The following SORBS2 variants were observed in gnomAD, a reference collection of about 807,000 sequenced individuals.
The protein encoded by SORBS2 is sorbin and SH3 domain-containing protein 2.
SORBS2 carries 46 observed loss-of-function variants against 97.7 expected under a neutral mutation model. The observed-to-expected ratio is 0.47, with a 90% CI of 0.37 to 0.60. The LOEUF (loss-of-function observed/expected upper bound fraction) is 0.60, where lower values mean the gene tolerates loss of function less well. Among genes scored for constraint, SORBS2 ranks in the 20% least tolerant of loss-of-function variants. SORBS2 has a pLI of 0.00. For synonymous variants in SORBS2, 476 were observed against 473.4 expected, an observed-to-expected ratio of 1.01 and a Z score of -0.07; for missense variants, 1,316 against 1,282.3, an observed-to-expected ratio of 1.03 and a Z score of -0.40.
At chr4:185,744,107 C>G (rs2098745593) in intron 2 of SORBS2, among the ~76,000 whole-genome samples, 1 of 145,140 alleles carries the variant, frequency 6.9e-6, no homozygotes, top group African/African-American at 2.6e-5. Context: ...TTCTCTTCTC[C>G]CCCTCCTCCT....
intron 2 of SORBS2, among the ~76,000 whole-genome samples, chr4:185,742,730 A>G (rs2098735132): frequency 6.6e-6 from 1 of 152,226 alleles, no homozygotes; most frequent in South Asian, 2.1e-4. Flanking sequence ...TGCTATAGTG[A>G]AAAGGAGAGA....
chr4:185,881,027 G>C (rs1023775985), intron 1 of SORBS2, among the ~76,000 whole-genome samples: 29 of 152,126 alleles, frequency 1.9e-4, no homozygotes, highest in African/African-American at 7.0e-4. Flanking sequence ...TACAGGAAGG[G>C]AAAGGAAGAA....
At chr4:185,631,969 T>C (rs2096916117) in intron 4 of SORBS2, among the ~76,000 whole-genome samples, 1 of 152,236 alleles carries the variant, frequency 6.6e-6, no homozygotes, top group Admixed American at 6.5e-5. Flanking sequence ...AGCTTAAAAA[T>C]GTCAGCCAGA....
At chr4:185,707,055 A>C (rs2098354124) in intron 2 of SORBS2, among the ~76,000 whole-genome samples, 1 of 152,166 alleles carries the variant, frequency 6.6e-6, no homozygotes, top group African/African-American at 2.4e-5. Context: ...CTTAAAAAGT[A>C]TTTTCTATGT....
At chr4:185,660,429 T>G (rs2097498173), upstream of SORBS2, among the ~76,000 whole-genome samples, 1 of 152,208 alleles carries the variant, frequency 6.6e-6, no homozygotes, top group Non-Finnish European at 1.5e-5. Flanking sequence ...AGGGCAAAAT[T>G]TCGGCATAAA....
At chr4:185,678,854 TA>T in intron 2 of SORBS2, 32 bp from the exon 6 acceptor site, 1 of 1,332,318 alleles carries the variant, frequency 7.5e-7, no homozygotes, top group Non-Finnish European at 1.0e-6. Flanking sequence ...AAATTAAGAC[TA>T]AGGTGAAATA....
intron 2 of SORBS2, among the ~76,000 whole-genome samples, chr4:185,698,491 T>G (rs943088629): frequency 1.6e-4 from 20 of 125,602 alleles, no homozygotes; most frequent in African/African-American, 4.5e-4. Context: ...AGACTCCATC[T>G]CAAAAAAATG....
chr4:185,792,199 G>C (rs1482765130), intron 1 of SORBS2, among the ~76,000 whole-genome samples: 3 of 152,146 alleles, frequency 2.0e-5, no homozygotes, highest in African/African-American at 7.2e-5. Flanking sequence ...ACGTTAAGTA[G>C]ATTTAGAAAA....
chr4:185,876,529 C>T (rs1052109510), intron 1 of SORBS2, among the ~76,000 whole-genome samples: 3 of 152,268 alleles, frequency 2.0e-5, no homozygotes, highest in Non-Finnish European at 2.9e-5. Flanking sequence ...CTGAATAAGT[C>T]CCTGGTGCAC....
At chr4:185,699,827 G>T (rs2098233834) in intron 2 of SORBS2, among the ~76,000 whole-genome samples, 1 of 152,112 alleles carries the variant, frequency 6.6e-6, no homozygotes, top group Non-Finnish European at 1.5e-5. Context: ...GTATTATTCA[G>T]AAATGTATTA....
chr4:185,672,766 G>T (rs796739473), intron 4 of SORBS2, among the ~76,000 whole-genome samples: 2 of 152,222 alleles, frequency 1.3e-5, no homozygotes, highest in African/African-American at 4.8e-5. Context: ...CTAATTCCTG[G>T]GAGCCTAATT....
At chr4:185,925,565 G>A (rs892947549) in intron 1 of SORBS2, among the ~76,000 whole-genome samples, 2 of 152,080 alleles carry the variant, frequency 1.3e-5, no homozygotes, top group Admixed American at 6.5e-5. Flanking sequence ...TATGAGACGC[G>A]TATATTTGTT....
At chr4:185,816,143 T>C (rs2099193157) in intron 1 of SORBS2, among the ~76,000 whole-genome samples, 1 of 152,246 alleles carries the variant, frequency 6.6e-6, no homozygotes, top group Non-Finnish European at 1.5e-5. Flanking sequence ...ACTGCTTCCC[T>C]GTATTCTGAT....
chr4:185,649,654 G>A, exon 3 of SORBS2: 1 of 1,374,052 alleles, frequency 7.3e-7, no homozygotes, highest in Non-Finnish European at 9.5e-7. Context: ...GGGTTGTACA[G>A]ACCTATCATG....
intron 8 of SORBS2, 148 bp from the exon 21 acceptor site, chr4:185,618,779 C>T (rs1561445179): frequency 8.8e-6 from 4 of 452,874 alleles, no homozygotes; most frequent in Non-Finnish European, 1.6e-5. Flanking sequence ...TAAATAAGTC[C>T]ATTCATTCTT....
chr4:185,758,461 T>C (rs997863682), intron 2 of SORBS2, among the ~76,000 whole-genome samples: 1 of 152,160 alleles, frequency 6.6e-6, no homozygotes, highest in Non-Finnish European at 1.5e-5. Flanking sequence ...GGCCTCTCAA[T>C]CTTGGAGGTT....
intron 2 of SORBS2, among the ~76,000 whole-genome samples, chr4:185,651,341 T>C (rs946889272): frequency 1.3e-5 from 2 of 152,264 alleles, no homozygotes; most frequent in Non-Finnish European, 2.9e-5. Flanking sequence ...TTAAACTCTT[T>C]CAATGAATGG....
chr4:185,604,248 C>T (rs1202101968), intron 12 of SORBS2, among the ~76,000 whole-genome samples: 3 of 152,166 alleles, frequency 2.0e-5, no homozygotes, highest in Non-Finnish European at 4.4e-5. Context: ...TATGTAACTT[C>T]GTAGGTCTTG....
chr4:185,693,694 T>C (rs1433078589), intron 2 of SORBS2, among the ~76,000 whole-genome samples: 1 of 152,166 alleles, frequency 6.6e-6, no homozygotes, highest in Admixed American at 6.5e-5. Context: ...TAATAGTGAT[T>C]GACAAAGAAA....
Sources: allele counts gnomAD v4.1 joint callset (sites outside exome capture counted in the v4.1 genomes callset), GRCh38; gene constraint gnomAD v4.1.1; transcripts MANE v1.5; gene names NCBI Gene and HGNC (gene_info 2026-07-23, HGNC 2026-07-21).